The following ST6GALNAC3 variants were observed in gnomAD, a reference collection of about 807,000 sequenced individuals.
ST6GALNAC3 encodes ST6 N-acetylgalactosaminide alpha-2,6-sialyltransferase 3.
ST6GALNAC3 carries 25 observed loss-of-function variants against 32.7 expected under a neutral mutation model. The observed-to-expected ratio is 0.76, with a 90% CI of 0.56 to 1.07. ST6GALNAC3 has a LOEUF of 1.07. Among genes scored for constraint, ST6GALNAC3 ranks in the 50% least tolerant of loss-of-function variants. The pLI is 0.00. For missense variants in ST6GALNAC3, 355 were observed against 382.4 expected (o/e 0.93, Z 0.60); for synonymous variants, 129 against 133.1 (o/e 0.97, Z 0.21).
intron 3 of ST6GALNAC3, among the ~76,000 whole-genome samples, chr1:76,500,129 C>A (rs1379071020): frequency 6.6e-6 from 1 of 152,028 alleles, no homozygotes; most frequent in Non-Finnish European, 1.5e-5. Flanking sequence ...ATTTATTAAT[C>A]TAGTTACACA....
At chr1:76,567,526 A>G (rs1041072874) in intron 3 of ST6GALNAC3, among the ~76,000 whole-genome samples, 4 of 152,216 alleles carry the variant, frequency 2.6e-5, no homozygotes, top group Admixed American at 6.5e-5. Flanking sequence ...CTTTCCTTTT[A>G]TACAATAAAA....
At chr1:76,501,570 GA>G (rs920803368) in intron 3 of ST6GALNAC3, among the ~76,000 whole-genome samples, 1 of 151,570 alleles carries the variant, frequency 6.6e-6, no homozygotes, top group African/African-American at 2.4e-5. Context: ...GTCAAAGAAA[GA>G]AAAAAAACCA....
At chr1:76,453,010 G>C (rs1042190701) in intron 3 of ST6GALNAC3, among the ~76,000 whole-genome samples, 3 of 152,088 alleles carry the variant, frequency 2.0e-5, no homozygotes, top group African/African-American at 7.2e-5. Flanking sequence ...AATCTAGAAG[G>C]CTTGTATCTT....
intron 1 of ST6GALNAC3, among the ~76,000 whole-genome samples, chr1:76,184,378 A>T (rs1284460044): frequency 6.6e-6 from 1 of 152,116 alleles, no homozygotes; most frequent in Non-Finnish European, 1.5e-5. Flanking sequence ...GTCTCTACTG[A>T]AATTACAAAA....
At chr1:76,549,818 A>G (rs1313334194) in intron 3 of ST6GALNAC3, among the ~76,000 whole-genome samples, 1 of 152,224 alleles carries the variant, frequency 6.6e-6, no homozygotes, top group Non-Finnish European at 1.5e-5. Flanking sequence ...CAAGCAGTGG[A>G]TGAGAGAAGC....
In ST6GALNAC3 at chr1:76,297,336, T is replaced by C. The variant is rs549344747; in HGVS notation, c.19-16469T>C. ...CAGATTATTTCATTCATTTAATGTATTGATTCACCAACATCTCTTGCACAT... is the reference window on the plus strand; with the variant it reads ...CAGATTATTTCATTCATTTAATGTACTGATTCACCAACATCTCTTGCACAT... On this transcript the variant is annotated intron_variant, in intron 1 of 4. Coordinates refer to ENST00000328299, the MANE Select transcript of ST6GALNAC3 (RefSeq NM_152996.4). 3.3e-5 allele frequency among the ~76,000 whole-genome samples: 5 copies of C among 152,210 alleles called. No homozygotes were observed. The South Asian group carries it at 1.0e-3, about 32-fold the overall frequency.
In ST6GALNAC3 at chr1:76,472,663, G is replaced by A. The variant is rs879867499; in HGVS notation, c.623+60246G>A. On this transcript the variant is annotated intron_variant, in intron 3 of 4. Coordinates refer to ENST00000328299, the MANE Select transcript of ST6GALNAC3 (RefSeq NM_152996.4). ...GGGAATAAAAATAGAACTATCTCAA[G>A]GTTGTTATGAGTAGTAAATGAGTTC... 8.5e-5 allele frequency among the ~76,000 whole-genome samples: 13 copies of A among 152,096 alleles called. 1 individual carries two copies. Among genetic ancestry groups the A allele is most frequent in the Admixed American group, 6.6e-4 (10 of 15,238 alleles).
intron 3 of ST6GALNAC3, among the ~76,000 whole-genome samples, chr1:76,513,263 T>C (rs955042679): frequency 1.3e-5 from 2 of 152,188 alleles, no homozygotes; most frequent in African/African-American, 2.4e-5. Flanking sequence ...TTCATAGTTA[T>C]AGACTTTACA....
At chr1:76,376,114 T>TA (rs5775345) in intron 2 of ST6GALNAC3, among the ~76,000 whole-genome samples, 90,619 of 150,220 alleles carry the variant, frequency 0.6, 28,544 homozygotes, top group Non-Finnish European at 0.7. Context: ...TTTTTTTTTT[T>TA]AAAAAAAGAA....
At chr1:76,156,667 A>G (rs950993989) in intron 1 of ST6GALNAC3, among the ~76,000 whole-genome samples, 6 of 152,080 alleles carry the variant, frequency 3.9e-5, no homozygotes, top group Admixed American at 3.9e-4. Flanking sequence ...CACTCACTAC[A>G]AGATACTCCA....
intron 3 of ST6GALNAC3, among the ~76,000 whole-genome samples, chr1:76,523,117 A>C (rs1217050571): frequency 6.6e-6 from 1 of 152,152 alleles, no homozygotes; most frequent in African/African-American, 2.4e-5. Flanking sequence ...TCAAATGTTT[A>C]ACCTTGAGAC....
At chr1:76,305,952 A>T in intron 1 of ST6GALNAC3, 1 of 517,728 alleles carries the variant, frequency 1.9e-6, no homozygotes, top group South Asian at 1.4e-5. Context: ...CTAAGTTGTT[A>T]ATTGTTATTC....
At chr1:76,129,228 A>G (rs1649452988) in intron 1 of ST6GALNAC3, among the ~76,000 whole-genome samples, 1 of 152,126 alleles carries the variant, frequency 6.6e-6, no homozygotes. Flanking sequence ...TGAACAACCT[A>G]GGGCAGCATA....
chr1:76,257,918 A>G (rs1349012602), intron 1 of ST6GALNAC3, among the ~76,000 whole-genome samples: 3 of 152,176 alleles, frequency 2.0e-5, no homozygotes, highest in Non-Finnish European at 4.4e-5. Flanking sequence ...TCTATAAAGC[A>G]GATGAAAAAA....
At chr1:76,452,585 A>T (rs1657489745) in intron 3 of ST6GALNAC3, among the ~76,000 whole-genome samples, 1 of 152,112 alleles carries the variant, frequency 6.6e-6, no homozygotes, top group Admixed American at 6.6e-5. Flanking sequence ...TACATTTACT[A>T]ACTTGTGGAT....
intron 3 of ST6GALNAC3, among the ~76,000 whole-genome samples, chr1:76,519,624 CT>C (rs1662389641): frequency 2.0e-5 from 3 of 152,100 alleles, no homozygotes; most frequent in South Asian, 4.1e-4. Context: ...GTTCATTAAT[CT>C]TTGTGGATAT....
chr1:76,334,557 A>G (rs1381143372), intron 2 of ST6GALNAC3, among the ~76,000 whole-genome samples: 2 of 152,240 alleles, frequency 1.3e-5, no homozygotes, highest in Non-Finnish European at 2.9e-5. Context: ...AAGTGAAATT[A>G]GTAGTCACAG....
chr1:76,236,635 A>G (rs1419025115), intron 1 of ST6GALNAC3, among the ~76,000 whole-genome samples: 1 of 152,122 alleles, frequency 6.6e-6, no homozygotes, highest in Non-Finnish European at 1.5e-5. Flanking sequence ...AAAGATTTTG[A>G]TGTACCTGAG....
intron 3 of ST6GALNAC3, among the ~76,000 whole-genome samples, chr1:76,432,319 A>G (rs1378380656): frequency 6.6e-6 from 1 of 152,136 alleles, no homozygotes; most frequent in Non-Finnish European, 1.5e-5. Flanking sequence ...TAGAGTTGCT[A>G]TAAATATCTG....
Sources: gnomAD v4.1 joint callset for allele counts (sites outside exome capture counted in the v4.1 genomes callset) on GRCh38, gnomAD v4.1.1 for gene constraint, MANE v1.5 for transcripts, NCBI Gene and HGNC (gene_info 2026-07-23, HGNC 2026-07-21) for gene names.